Variants in EBF2 observed in about 807,000 individuals in gnomAD.
EBF2 encodes transcription factor COE2.
Under a neutral mutation model 72.8 loss-of-function variants are expected in EBF2, and 21 were observed. The observed-to-expected ratio is 0.29, with a 90% confidence interval of 0.20 to 0.42. EBF2 has a LOEUF of 0.42. Among genes scored for constraint, EBF2 ranks in the 10% least tolerant of loss-of-function variants. EBF2 has a pLI of 1.00. For synonymous variants in EBF2, 299 were observed against 274.2 expected, an observed-to-expected ratio of 1.09 and a Z score of -0.89; for missense variants, 637 against 731.2, an observed-to-expected ratio of 0.87 and a Z score of 1.49.
intron 6 of EBF2, among the ~76,000 whole-genome samples, chr8:25,959,671 AT>A (rs890032080): frequency 6.6e-6 from 1 of 152,118 alleles, no homozygotes; most frequent in African/African-American, 2.4e-5. Context: ...CACTGTAGCC[AT>A]TTTGCCGCAA....
chr8:26,004,450 G>T (rs949917344), intron 6 of EBF2, among the ~76,000 whole-genome samples: 1 of 152,090 alleles, frequency 6.6e-6, no homozygotes, highest in African/African-American at 2.4e-5. Context: ...CAAGGCAGGT[G>T]GATTACATGA....
rs959537350 is a variant in EBF2 at position 25,888,057 on chromosome 8, A to T, written c.752-85T>A. ...CTTCCCAGGCCCACATTGGAAGAAG[A>T]ATTGTCTTGGGCCACGTATAAAATA... On this transcript the variant is annotated intron_variant, in intron 8 of 15. Coordinates refer to ENST00000520164, the MANE Select transcript of EBF2 (RefSeq NM_022659.4). The T allele has an allele frequency of 1.4e-5, 20 of 1,474,530 alleles. No homozygotes were observed. In the South Asian group the frequency reaches 1.9e-4, roughly 14 times the overall value. The allele number at this position is 1,474,530 out of a possible 1,614,324, so 91.3% of individuals were successfully genotyped here.
chr8:25,932,405 G>C (rs1258479238), intron 6 of EBF2, among the ~76,000 whole-genome samples: 1 of 150,058 alleles, frequency 6.7e-6, no homozygotes, highest in South Asian at 2.1e-4. Context: ...AACGGGCAGC[G>C]TACGGGATGC....
intron 6 of EBF2, among the ~76,000 whole-genome samples, chr8:25,948,366 G>A (rs1803806070): frequency 6.6e-6 from 1 of 152,178 alleles, no homozygotes; most frequent in Admixed American, 6.5e-5. Context: ...TTGAGCTTAG[G>A]TGATGCCTCT....
chr8:25,922,976 C>T (rs541603044), intron 6 of EBF2, among the ~76,000 whole-genome samples: 3 of 152,082 alleles, frequency 2.0e-5, no homozygotes, highest in Admixed American at 2.0e-4. Flanking sequence ...AAAATTCATC[C>T]GTTGGAGAAT....
chr8:25,955,771 G>GAAAGTCTC (rs111549919), intron 6 of EBF2, among the ~76,000 whole-genome samples: 34,660 of 151,746 alleles, frequency 0.23, 4,876 homozygotes, highest in East Asian at 0.78. Context: ...TTTGCCCCTT[G>GAAAGTCTC]AAAGTCTCAT....
At chr8:25,916,808 C>A (rs1803225700) in intron 6 of EBF2, among the ~76,000 whole-genome samples, 1 of 152,108 alleles carries the variant, frequency 6.6e-6, no homozygotes, top group Admixed American at 6.5e-5. Flanking sequence ...TTCTGACTGG[C>A]AACAGGCCCC....
At chr8:25,984,790 G>A (rs1804421273) in intron 6 of EBF2, among the ~76,000 whole-genome samples, 1 of 152,136 alleles carries the variant, frequency 6.6e-6, no homozygotes, top group Non-Finnish European at 1.5e-5. Flanking sequence ...ACAGCCCAAG[G>A]TTTTTGCTTC....
chr8:25,990,731 A>G (rs1402054513), intron 6 of EBF2, among the ~76,000 whole-genome samples: 2 of 152,226 alleles, frequency 1.3e-5, no homozygotes, highest in African/African-American at 4.8e-5. Flanking sequence ...ACTTTTGCTA[A>G]CTAGCCCACA....
intron 6 of EBF2, among the ~76,000 whole-genome samples, chr8:25,960,311 C>G (rs1585208746): frequency 2.6e-5 from 4 of 152,334 alleles, no homozygotes; most frequent in Admixed American, 2.6e-4. Flanking sequence ...ACCAATTATG[C>G]CCTCAGGGCC....
intron 6 of EBF2, among the ~76,000 whole-genome samples, chr8:25,944,449 G>A (rs1016036196): frequency 3.9e-5 from 6 of 151,986 alleles, no homozygotes; most frequent in Middle Eastern, 3.4e-3. Flanking sequence ...CAATGTATAC[G>A]GTTTGAAATC....
intron 6 of EBF2, among the ~76,000 whole-genome samples, chr8:26,013,949 T>C (rs1397954872): frequency 1.3e-5 from 2 of 152,076 alleles, no homozygotes; most frequent in Non-Finnish European, 2.9e-5. Flanking sequence ...CAGACACCAC[T>C]ACAGACAATA....
At chr8:25,883,335 C>T (rs1046378956) in intron 10 of EBF2, among the ~76,000 whole-genome samples, 2 of 152,086 alleles carry the variant, frequency 1.3e-5, no homozygotes, top group African/African-American at 4.8e-5. Context: ...AAGCTAGTCA[C>T]TCCCTGCATA....
chr8:25,930,477 G>A (rs560552069), intron 6 of EBF2, among the ~76,000 whole-genome samples: 4 of 152,076 alleles, frequency 2.6e-5, no homozygotes, highest in Non-Finnish European at 5.9e-5. Flanking sequence ...TGTTACCACC[G>A]CTTAGTGCCT....
chr8:25,891,284 G>A (rs1198304395), intron 7 of EBF2, among the ~76,000 whole-genome samples: 1 of 151,966 alleles, frequency 6.6e-6, no homozygotes, highest in Non-Finnish European at 1.5e-5. Context: ...GACCTGGGTG[G>A]AGCTCCCACC....
At chr8:25,883,786 C>T (rs1309739737) in intron 10 of EBF2, among the ~76,000 whole-genome samples, 1 of 152,122 alleles carries the variant, frequency 6.6e-6, no homozygotes, top group African/African-American at 2.4e-5. Flanking sequence ...GCTCCATCAC[C>T]CACATCCAGG....
At chr8:25,929,192 G>T (rs1279771968) in intron 6 of EBF2, among the ~76,000 whole-genome samples, 1 of 152,114 alleles carries the variant, frequency 6.6e-6, no homozygotes, top group Non-Finnish European at 1.5e-5. Flanking sequence ...AGATATTATC[G>T]CATCAATATC....
chr8:25,880,595 A>G (rs1001851579), intron 10 of EBF2, among the ~76,000 whole-genome samples: 5 of 152,126 alleles, frequency 3.3e-5, no homozygotes, highest in Admixed American at 6.5e-5. Context: ...CTTCTGTTGC[A>G]TGACATTTCT....
At chr8:25,949,361 T>C (rs1803820916) in intron 6 of EBF2, among the ~76,000 whole-genome samples, 1 of 152,204 alleles carries the variant, frequency 6.6e-6, no homozygotes, top group African/African-American at 2.4e-5. Flanking sequence ...CATTGGAAGT[T>C]TGATCATTTT....
Sources: allele counts gnomAD v4.1 joint callset (sites outside exome capture counted in the v4.1 genomes callset), GRCh38; gene constraint gnomAD v4.1.1; transcripts MANE v1.5; gene names NCBI Gene and HGNC (gene_info 2026-07-23, HGNC 2026-07-21).